The following RMDN1 variants were observed in gnomAD, a reference collection of about 807,000 sequenced individuals.
RMDN1 encodes regulator of microtubule dynamics protein 1.
A neutral mutation model predicts 48.9 loss-of-function variants in RMDN1; 48 were observed. The observed-to-expected ratio is 0.98, with a 90% CI of 0.78 to 1.25. The LOEUF (loss-of-function observed/expected upper bound fraction) is 1.25, where lower values mean the gene tolerates loss of function less well. Ranked by LOEUF, RMDN1 falls within the 50% of genes most tolerant of loss-of-function variation. The pLI, the probability that RMDN1 is intolerant of heterozygous loss-of-function variation, is 0.00. For synonymous variants in RMDN1, 148 were observed against 132.6 expected, an observed-to-expected ratio of 1.12 and a Z score of -0.80; for missense variants, 418 against 373.4, an observed-to-expected ratio of 1.12 and a Z score of -0.98.
chr8:86,513,575 C>G (rs771857517), upstream of RMDN1, among the ~76,000 whole-genome samples: 36 of 152,254 alleles, frequency 2.4e-4, no homozygotes, highest in Non-Finnish European at 4.7e-4. Flanking sequence ...AGCAGTCCAG[C>G]CTGCACTTTG....
chr8:86,507,635 G>A (rs1384911389), intron 1 of RMDN1, among the ~76,000 whole-genome samples: 3 of 152,120 alleles, frequency 2.0e-5, no homozygotes, highest in African/African-American at 7.2e-5. Flanking sequence ...CAAGGGGCCA[G>A]GCCTAAAATG....
intron 5 of RMDN1, 154 bp downstream of exon 5, chr8:86,484,718 C>CA (rs34599016): frequency 0.25 from 67,595 of 273,470 alleles, 4,908 homozygotes; most frequent in Admixed American, 0.44. Flanking sequence ...AACTCCGTCT[C>CA]AAAAAAAAAA....
chr8:86,469,132 G>GTT (rs1463317094), downstream of RMDN1, among the ~76,000 whole-genome samples: 2 of 150,700 alleles, frequency 1.3e-5, no homozygotes, highest in African/African-American at 4.9e-5. Flanking sequence ...CAGTTTAGTT[G>GTT]TTTGTCTTCC....
Position 86,473,943 on chromosome 8 carries a change from A to C in RMDN1, c.*365T>G. 1 of 1,010,612 alleles carries C rather than the reference A, an allele frequency of 9.9e-7. No homozygotes were observed. Among genetic ancestry groups the C allele is most frequent in the Non-Finnish European group, 1.2e-6 (1 of 846,200 alleles). 62.6% of individuals were successfully genotyped at this position (1,010,612 alleles called of 1,614,324 possible). A position where few individuals can be genotyped will look rare whatever the true frequency, so the allele number is the denominator to read the frequency against. ...TTCAACTTAGAATCAATCCAATTTG[A>C]AAATCCATCCCCCTGTATATCCCCT... On this transcript the variant is annotated 3_prime_UTR_variant, in exon 10 of 10. Coordinates refer to ENST00000406452, the MANE Select transcript of RMDN1 (RefSeq NM_016033.3).
chr8:86,482,129 C>T (rs755251000), intron 5 of RMDN1: 146 of 538,214 alleles, frequency 2.7e-4, no homozygotes, highest in Non-Finnish European at 4.1e-4. Flanking sequence ...AGGCCAGGCA[C>T]GGTGGCTTAT....
chr8:86,477,758 C>T (rs1326595225), intron 7 of RMDN1, among the ~76,000 whole-genome samples: 1 of 152,126 alleles, frequency 6.6e-6, no homozygotes, highest in Non-Finnish European at 1.5e-5. Flanking sequence ...AATGTTAAGT[C>T]TGAAACTCTT....
intron 5 of RMDN1, among the ~76,000 whole-genome samples, chr8:86,481,158 A>G (rs970630950): frequency 5.3e-5 from 8 of 152,192 alleles, no homozygotes; most frequent in Non-Finnish European, 8.8e-5. Context: ...TGTGAGGTAC[A>G]CATTTTCAAA....
downstream of RMDN1, among the ~76,000 whole-genome samples, chr8:86,471,078 T>G (rs1200504187): frequency 1.3e-5 from 2 of 151,988 alleles, no homozygotes; most frequent in Non-Finnish European, 2.9e-5. Context: ...GTTTCCAGGT[T>G]TTGCTATTGT....
chr8:86,473,714 C>T lies in RMDN1; in HGVS notation c.*594G>A, dbSNP rs748250006. Reference sequence around the variant, plus strand: ...CCGGGAGGCGGAGGCTGCAGTGGGCCGAGATTGTGCCACTGCACACCAGCC... The same window carrying T: ...CCGGGAGGCGGAGGCTGCAGTGGGCTGAGATTGTGCCACTGCACACCAGCC... On this transcript the variant is annotated 3_prime_UTR_variant, in exon 10 of 10. Coordinates refer to ENST00000406452, the MANE Select transcript of RMDN1 (RefSeq NM_016033.3). 96 of 656,954 alleles carry T rather than the reference C, an allele frequency of 1.5e-4. No individual in the cohort carries two copies. Among genetic ancestry groups the T allele is most frequent in the East Asian group, 6.9e-4 (5 of 7,292 alleles). 40.7% of individuals were successfully genotyped at this position (656,954 alleles called of 1,614,324 possible). A position where few individuals can be genotyped will look rare whatever the true frequency, so the allele number is the denominator to read the frequency against.
At chr8:86,470,293 G>A, downstream of RMDN1, 1 of 1,289,366 alleles carries the variant, frequency 7.8e-7, no homozygotes. Flanking sequence ...AGAACAATCA[G>A]GTGGGGGCTG....
Position 86,508,635 on chromosome 8 carries a change from G to A in RMDN1, c.-15C>T, listed in dbSNP as rs753017062. The A allele has an allele frequency of 5.2e-5, 83 of 1,595,096 alleles. No homozygotes were observed. In the Admixed American group the frequency reaches 9.0e-4, roughly 17 times the overall value. On this transcript the variant is annotated 5_prime_UTR_variant, in exon 1 of 10. Coordinates refer to ENST00000406452, the MANE Select transcript of RMDN1 (RefSeq NM_016033.3). Reference sequence around the variant, plus strand: ...GCCAGCGCCATGACCTGCAACTTGCGGGCTGACCCTGCACTACTTCAGGCA... The same window carrying A: ...GCCAGCGCCATGACCTGCAACTTGCAGGCTGACCCTGCACTACTTCAGGCA...
At position 86,489,720 on chromosome 8, in the gene RMDN1, C is replaced by G. The variant is rs1489250678; in HGVS notation, c.248-1081G>C. Reference sequence around the variant, plus strand: ...TGGCGTGCGCCTGTAATCCCAGCTACTTGGGAGGCTGAGGCAGAAGAATCG... The same window carrying G: ...TGGCGTGCGCCTGTAATCCCAGCTAGTTGGGAGGCTGAGGCAGAAGAATCG... On this transcript the variant is annotated intron_variant, in intron 2 of 9. Coordinates refer to ENST00000406452, the MANE Select transcript of RMDN1 (RefSeq NM_016033.3). Among the ~76,000 whole-genome samples, 5 of 151,228 alleles carry G rather than the reference C, an allele frequency of 3.3e-5. No homozygotes were observed. In the South Asian group the frequency reaches 1.0e-3, roughly 32 times the overall value.
At chr8:86,476,855 C>T (rs896903648) in intron 8 of RMDN1, among the ~76,000 whole-genome samples, 1 of 152,058 alleles carries the variant, frequency 6.6e-6, no homozygotes, top group African/African-American at 2.4e-5. Context: ...GCTACCACAC[C>T]TGGCTAATTT....
chr8:86,474,447 A>G, intron 9 of RMDN1, 89 bp from the exon 10 acceptor site: 1 of 1,103,964 alleles, frequency 9.1e-7, no homozygotes, highest in Non-Finnish European at 1.4e-6. Context: ...GGTTTCTAAG[A>G]GTTTCCAAAA....
intron 2 of RMDN1, among the ~76,000 whole-genome samples, chr8:86,494,489 G>A (rs973177344): frequency 5.3e-5 from 8 of 152,134 alleles, no homozygotes; most frequent in Non-Finnish European, 1.0e-4. Context: ...CCAGGAGGTC[G>A]AGGCTGCAAT....
At chr8:86,470,095 C>T (rs6471352), downstream of RMDN1, 654,185 of 1,155,474 alleles carry the variant, frequency 0.57, 188,028 homozygotes, top group African/African-American at 0.78. Flanking sequence ...TATAGAATCA[C>T]GGCCATTTTC....
At chr8:86,468,464 T>G, downstream of RMDN1, 1 of 432,008 alleles carries the variant, frequency 2.3e-6, no homozygotes, top group Non-Finnish European at 4.5e-6. Context: ...TGTGACAGGT[T>G]ATGTGATAGA....
intron 2 of RMDN1, among the ~76,000 whole-genome samples, chr8:86,493,034 A>T (rs761202477): frequency 6.6e-6 from 1 of 151,812 alleles, no homozygotes; most frequent in Non-Finnish European, 1.5e-5. Flanking sequence ...TGGAAGAGAT[A>T]TAGGACAAAG....
Position 86,474,873 on chromosome 8 carries a change from A to T in RMDN1, c.841T>A (p.Phe281Ile). ...TAGTCCTTGGCTTTCATTAGCCAGA[A>T]AGCAGCAAGCTTTTTGTTGTGTAGT... ...LKLHNKKLAA[F>I]WLMKAKDYPA... Residue 281 changes from phenylalanine (F) to isoleucine (I), a missense_variant, in exon 9 of 10, where the codon TTC (phenylalanine) becomes ATC (isoleucine). Physicochemically the swap from Phe to Ile is conservative, Grantham distance 21 (BLOSUM62 0). Coordinates refer to ENST00000406452, the MANE Select transcript of RMDN1 (RefSeq NM_016033.3). 6.2e-6 allele frequency: 10 copies of T among 1,613,234 alleles called. No individual in the cohort carries two copies. Among genetic ancestry groups the T allele is most frequent in the Non-Finnish European group, 8.5e-6 (10 of 1,179,666 alleles).
Sources: gnomAD v4.1 joint callset for allele counts (sites outside exome capture counted in the v4.1 genomes callset) on GRCh38, gnomAD v4.1.1 for gene constraint, MANE v1.5 for transcripts, NCBI Gene and HGNC (gene_info 2026-07-23, HGNC 2026-07-21) for gene names.